Variants in RSRC1 observed in about 807,000 individuals in gnomAD.
RSRC1 encodes the protein serine/Arginine-related protein 53.
A neutral mutation model predicts 49.1 loss-of-function variants in RSRC1; 39 were observed. The observed-to-expected ratio is 0.79, with a 90% confidence interval of 0.61 to 1.04. The LOEUF is 1.04. Among genes scored for constraint, RSRC1 ranks in the 50% least tolerant of loss-of-function variants. RSRC1 has a pLI of 0.00. For missense variants in RSRC1, 388 were observed against 402.4 expected, an observed-to-expected ratio of 0.96 and a Z score of 0.31; for synonymous variants, 143 against 130.8, an observed-to-expected ratio of 1.09 and a Z score of -0.63.
chr3:158,121,847 G>C (rs1288353173), intron 1 of RSRC1, among the ~76,000 whole-genome samples: 1 of 152,066 alleles, frequency 6.6e-6, no homozygotes, highest in Non-Finnish European at 1.5e-5. Flanking sequence ...TTTATAAAAA[G>C]TAGTACATTG....
intron 6 of RSRC1, among the ~76,000 whole-genome samples, chr3:158,393,956 T>C (rs1733471071): frequency 1.3e-5 from 2 of 151,898 alleles, no homozygotes; most frequent in African/African-American, 4.8e-5. Context: ...GCTAATCCAC[T>C]AAAATCAAGT....
chr3:158,461,121 A>C (rs931176111), intron 7 of RSRC1, 118 bp downstream of exon 7: 1 of 579,528 alleles, frequency 1.7e-6, no homozygotes, highest in African/African-American at 1.9e-5. Context: ...ATGAACCAAA[A>C]CTATGACACA....
intron 3 of RSRC1, among the ~76,000 whole-genome samples, chr3:158,169,354 A>G (rs1442323542): frequency 6.6e-6 from 1 of 152,164 alleles, no homozygotes; most frequent in Non-Finnish European, 1.5e-5. Context: ...CTCCTGCTAT[A>G]GTTTACTGAT....
At chr3:158,129,288 CTTTTTTTTTTTTT>C (rs71144439) in intron 3 of RSRC1, among the ~76,000 whole-genome samples, 5 of 71,078 alleles carry the variant, frequency 7.0e-5, no homozygotes, top group South Asian at 1.2e-3. Flanking sequence ...TTCTTTCTTT[CTTTTTTTTTTTTT>C]TTTTTTTTTT....
intron 7 of RSRC1, chr3:158,469,314 C>A (rs1404305579): frequency 2.3e-6 from 1 of 426,084 alleles, no homozygotes; most frequent in Admixed American, 2.6e-5. Flanking sequence ...ATTCAATCAT[C>A]CTAAAGTCTA....
intron 3 of RSRC1, among the ~76,000 whole-genome samples, chr3:158,181,986 A>T (rs1013954721): frequency 5.3e-5 from 8 of 152,186 alleles, no homozygotes; most frequent in African/African-American, 1.9e-4. Flanking sequence ...AATGAACAAC[A>T]AATATAATAA....
At chr3:158,506,543 CAT>C (rs1201632201) in intron 7 of RSRC1, among the ~76,000 whole-genome samples, 2 of 151,882 alleles carry the variant, frequency 1.3e-5, no homozygotes, top group African/African-American at 4.8e-5. Context: ...AAGAAGACGA[CAT>C]ATAAACGGCC....
intron 4 of RSRC1, among the ~76,000 whole-genome samples, chr3:158,205,631 A>G (rs147374458): frequency 6.6e-6 from 1 of 152,270 alleles, no homozygotes; most frequent in Non-Finnish European, 1.5e-5. Context: ...CTGTGGAAAC[A>G]CTGTACCAGT....
intron 4 of RSRC1, among the ~76,000 whole-genome samples, chr3:158,246,796 C>G (rs949494416): frequency 6.6e-6 from 1 of 152,142 alleles, no homozygotes; most frequent in Non-Finnish European, 1.5e-5. Context: ...TGGCCTTTCT[C>G]TCTGGCTGCC....
intron 4 of RSRC1, chr3:158,276,179 A>T: frequency 2.3e-6 from 2 of 867,404 alleles, no homozygotes; most frequent in East Asian, 4.8e-5. Context: ...CAGGCTTGCC[A>T]TATGTTGCAC....
chr3:158,418,315 C>T (rs1029632486), intron 6 of RSRC1, among the ~76,000 whole-genome samples: 2 of 151,954 alleles, frequency 1.3e-5, no homozygotes, highest in East Asian at 1.9e-4. Context: ...AAAGAGATAG[C>T]ACTCTCATGG....
At chr3:158,196,685 A>C (rs1049338398) in intron 3 of RSRC1, among the ~76,000 whole-genome samples, 5 of 152,236 alleles carry the variant, frequency 3.3e-5, no homozygotes, top group African/African-American at 1.2e-4. Context: ...ATCAATACCT[A>C]ATTTATTGAG....
At chr3:158,542,002 GTT>G (rs1713056152) in intron 8 of RSRC1, among the ~76,000 whole-genome samples, 1 of 152,102 alleles carries the variant, frequency 6.6e-6, no homozygotes, top group Non-Finnish European at 1.5e-5. Context: ...GGAGTCTATG[GTT>G]TGCATGATGG....
At chr3:158,158,687 C>G (rs1223678479) in intron 3 of RSRC1, among the ~76,000 whole-genome samples, 1 of 152,060 alleles carries the variant, frequency 6.6e-6, no homozygotes, top group African/African-American at 2.4e-5. Flanking sequence ...TGCCTGTAAT[C>G]CCAGCACTTT....
At chr3:158,391,548 G>A (rs903115605) in intron 6 of RSRC1, among the ~76,000 whole-genome samples, 1 of 152,132 alleles carries the variant, frequency 6.6e-6, no homozygotes, top group Non-Finnish European at 1.5e-5. Flanking sequence ...TTCCCTTAAA[G>A]CCCTTGGCTC....
intron 7 of RSRC1, among the ~76,000 whole-genome samples, chr3:158,462,243 G>A (rs1737654515): frequency 6.6e-6 from 1 of 151,918 alleles, no homozygotes; most frequent in Non-Finnish European, 1.5e-5. Flanking sequence ...CATTGTTAAT[G>A]AAAGCAAGCT....
At chr3:158,281,952 A>G (rs978957448) in intron 4 of RSRC1, among the ~76,000 whole-genome samples, 1 of 152,214 alleles carries the variant, frequency 6.6e-6, no homozygotes, top group African/African-American at 2.4e-5. Context: ...CCAATCAGAC[A>G]TACCCATTGG....
intron 6 of RSRC1, among the ~76,000 whole-genome samples, chr3:158,447,690 G>A (rs1736795335): frequency 6.6e-6 from 1 of 151,756 alleles, no homozygotes; most frequent in East Asian, 1.9e-4. Context: ...ATAGATGTAG[G>A]CCAGCATAAG....
intron 4 of RSRC1, among the ~76,000 whole-genome samples, chr3:158,241,999 CA>C (rs1723613062): frequency 8.4e-6 from 1 of 118,738 alleles, no homozygotes; most frequent in African/African-American, 3.0e-5. Context: ...CATTCACAGA[CA>C]TTTTCATTCT....
Sources: allele counts gnomAD v4.1 joint callset (sites outside exome capture counted in the v4.1 genomes callset), GRCh38; gene constraint gnomAD v4.1.1; transcripts MANE v1.5; gene names NCBI Gene and HGNC (gene_info 2026-07-23, HGNC 2026-07-21).